Variants in PRDM7 observed in about 807,000 individuals in gnomAD.
PRDM7 encodes histone-lysine N-methyltransferase PRDM7.
Under a neutral mutation model 64.3 loss-of-function variants are expected in PRDM7, and 52 were observed. The observed-to-expected ratio is 0.81, with a 90% CI of 0.65 to 1.02. The LOEUF is 1.02. Among genes scored for constraint, PRDM7 ranks in the 50% least tolerant of loss-of-function variants. PRDM7 has a pLI of 0.00. For missense variants in PRDM7, 574 were observed against 597.1 expected (o/e 0.96, Z 0.40); for synonymous variants, 192 against 210.1 (o/e 0.91, Z 0.74).
At chr16:90,058,783 AG>A (rs2037721525) in intron 10 of PRDM7, among the ~76,000 whole-genome samples, 1 of 152,118 alleles carries the variant, frequency 6.6e-6, no homozygotes, top group Non-Finnish European at 1.5e-5. Context: ...GGTAACCTCA[AG>A]CAGCATCAGG....
chr16:90,060,763 C>G (rs2037762524), intron 9 of PRDM7, 140 bp from the exon 10 acceptor site: 1 of 1,208,110 alleles, frequency 8.3e-7, no homozygotes, highest in South Asian at 1.3e-5. Context: ...CCAGACTTAC[C>G]TCCACCTTGA....
chr16:90,064,007 G>A (rs2037829394), intron 5 of PRDM7, among the ~76,000 whole-genome samples: 1 of 152,228 alleles, frequency 6.6e-6, no homozygotes, highest in South Asian at 2.1e-4. Flanking sequence ...TAAAGGGAAG[G>A]AGGAAGAATA....
At chr16:90,071,353 A>C (rs2037952748) in intron 4 of PRDM7, among the ~76,000 whole-genome samples, 1 of 152,058 alleles carries the variant, frequency 6.6e-6, no homozygotes, top group South Asian at 2.1e-4. Flanking sequence ...CTGGTCTCGA[A>C]CTCCTGACCT....
chr16:90,061,559 A>G (rs2037777987), intron 8 of PRDM7, 40 bp from the exon 9 acceptor site: 2 of 1,545,172 alleles, frequency 1.3e-6, no homozygotes, highest in African/African-American at 2.7e-5. Flanking sequence ...TTTAGAGGGT[A>G]AAAATCCGAA....
Position 90,075,330 on chromosome 16 carries a change from G to C in PRDM7, c.193+21C>G, listed in dbSNP as rs768283552. ...TGTTTTATATCGCCCAGGCTGGTCT[G>C]TGCCCAGCACTTCCTGTTACCTACA... On this transcript the variant is annotated intron_variant, in intron 3 of 10. Coordinates refer to ENST00000449207, the MANE Select transcript of PRDM7 (RefSeq NM_001098173.2). This position sits in a 1 kb window ranked among gnomAD's most constrained non-coding sequence, Gnocchi z 4.3. 6.2e-7 allele frequency: 1 copy of C among 1,614,166 alleles called. No homozygotes were observed. Among genetic ancestry groups the C allele is most frequent in the South Asian group, 1.1e-5 (1 of 91,084 alleles).
rs764904125 is a variant in PRDM7 at position 90,075,381 on chromosome 16, T to C, written c.163A>G (p.Lys55Glu). ...DWEKTRYRNVKMNYNALITVG... is the reference protein window; with the variant it reads ...DWEKTRYRNVEMNYNALITVG... Reference sequence around the variant, plus strand: ...GTAATCAGTGCATTATAGTTCATTTTCACATTCCTATAGCGAGTTTTCTCC... The same window carrying C: ...GTAATCAGTGCATTATAGTTCATTTCCACATTCCTATAGCGAGTTTTCTCC... The change falls in exon 3 of 11, where the codon AAA (lysine) becomes GAA (glutamate). Residue 55 changes from lysine to glutamate, a missense_variant. Physicochemically the swap from Lys to Glu is moderately conservative, Grantham distance 56. Transcript: ENST00000449207. The surrounding 1 kb of genome is among the most constrained non-coding windows in gnomAD (Gnocchi z 4.3). 6.2e-7 allele frequency: 1 copy of C among 1,614,264 alleles called. No homozygotes were observed. Among genetic ancestry groups the C allele is most frequent in the Non-Finnish European group, 8.5e-7 (1 of 1,180,048 alleles).
At chr16:90,069,793 G>C (rs2037930148) in intron 4 of PRDM7, among the ~76,000 whole-genome samples, 1 of 150,942 alleles carries the variant, frequency 6.6e-6, no homozygotes, top group Non-Finnish European at 1.5e-5. Context: ...GTGGCTCATG[G>C]GTGTAATCCC....
In PRDM7 at chr16:90,058,269, C is replaced by T. The variant is rs758382788; in HGVS notation, c.*20G>A. On this transcript the variant is annotated 3_prime_UTR_variant, in exon 11 of 11. Coordinates refer to ENST00000449207, the MANE Select transcript of PRDM7 (RefSeq NM_001098173.2). ...GGCTAGAAAAGGCCCTTGAAATCTC[C>T]CTCTGCCATGTCCTTTTATTCAAGA... 3 of 1,614,140 alleles carry T rather than the reference C, an allele frequency of 1.9e-6. No individual in the cohort carries two copies. The South Asian group carries it at 3.3e-5, about 18-fold the overall frequency.
At chr16:90,076,277 G>A (rs575514112) in intron 1 of PRDM7, among the ~76,000 whole-genome samples, 14 of 152,288 alleles carry the variant, frequency 9.2e-5, no homozygotes, top group African/African-American at 3.1e-4. Context: ...TGTAGCTACC[G>A]GTGTTTGAGG....
chr16:90,065,464 G>A (rs1003933468), intron 5 of PRDM7, among the ~76,000 whole-genome samples: 2 of 150,722 alleles, frequency 1.3e-5, no homozygotes, highest in Non-Finnish European at 2.9e-5. Context: ...ACTGGGTGCG[G>A]TGGCTCACAT....
chr16:90,073,846 G>A (rs1423141490), intron 4 of PRDM7, among the ~76,000 whole-genome samples: 1 of 151,120 alleles, frequency 6.6e-6, no homozygotes, highest in African/African-American at 2.4e-5. Flanking sequence ...GTGGTGGCAC[G>A]ATTTCGGCTC....
intron 4 of PRDM7, among the ~76,000 whole-genome samples, chr16:90,072,652 A>G (rs1430398401): frequency 1.3e-5 from 2 of 152,254 alleles, no homozygotes; most frequent in African/African-American, 4.8e-5. Flanking sequence ...CTAGGGATCT[A>G]TTGCACAACA....
chr16:90,066,935 G>C, intron 4 of PRDM7, 25 bp from the exon 5 acceptor site: 1 of 1,566,842 alleles, frequency 6.4e-7, no homozygotes, highest in Non-Finnish European at 8.8e-7. Flanking sequence ...GAAATCAGTG[G>C]TTTGGTTGGT....
In PRDM7 at chr16:90,075,518, T is replaced by C; in HGVS notation, c.70-44A>G. On this transcript the variant is annotated intron_variant, in intron 2 of 10. Coordinates refer to ENST00000449207, the MANE Select transcript of PRDM7 (RefSeq NM_001098173.2). The surrounding 1 kb of genome is among the most constrained non-coding windows in gnomAD (Gnocchi z 4.3). ...TCCATCAGTGATTTACTAATACACATCGAGCTGGTCCTTTTCCTCTACCCT... is the reference window on the plus strand; with the variant it reads ...TCCATCAGTGATTTACTAATACACACCGAGCTGGTCCTTTTCCTCTACCCT... 2 of 1,614,148 alleles carry C rather than the reference T, an allele frequency of 1.2e-6. No homozygotes were observed. The highest frequency in any genetic ancestry group is 1.1e-5 in the South Asian group (1 of 91,066).
rs1237330081 is a variant in PRDM7 at position 90,062,381 on chromosome 16, TGGCTGAAAGGGTCACTCACAGA to T, written c.608_610+19del. 1 of 1,613,684 alleles carries T rather than the reference TGGCTGAAAGGGTCACTCACAGA, an allele frequency of 6.2e-7. No homozygotes were observed. The highest frequency in any genetic ancestry group is 1.3e-5 in the African/African-American group (1 of 75,032). ...AGGACATAACAGCAAGCTGTGTGAG[TGGCTGAAAGGGTCACTCACAGA>T]GGTAGTCATCATCCTGTGGCTCGCT... On this transcript the variant is annotated splice_donor_variant and splice_donor_5th_base_variant and coding_sequence_variant and intron_variant, in exon 7 of 11. Coordinates refer to ENST00000449207, the MANE Select transcript of PRDM7 (RefSeq NM_001098173.2). LOFTEE classifies it high-confidence loss of function.
At position 90,075,867 on chromosome 16, in the gene PRDM7, G is replaced by A; in HGVS notation, c.44C>T (p.Thr15Ile). 1 of 1,614,070 alleles carries A rather than the reference G, an allele frequency of 6.2e-7. No individual in the cohort carries two copies. The highest frequency in any genetic ancestry group is 8.5e-7 in the Non-Finnish European group (1 of 1,179,986). ...CATGGGCTTCCGCTCTGTTCTCTCT[G>A]TGTCTCCTTCTGGGCTCTCCTCTTG... ...RSQEESPEGD[T>I]ERTERKPMVK... The change falls in exon 2 of 11, where the codon ACA becomes ATA. Residue 15 changes from threonine (T) to isoleucine (I), a missense_variant. Coordinates refer to ENST00000449207, the MANE Select transcript of PRDM7 (RefSeq NM_001098173.2). This position sits in a 1 kb window ranked among gnomAD's most constrained non-coding sequence, Gnocchi z 4.3.
rs537918071 is a variant in PRDM7, at chr16:90,061,974, C to T, written c.829G>A (p.Glu277Lys). The T allele has an allele frequency of 6.6e-5, 106 of 1,614,264 alleles. 2 individuals carry two copies. In the South Asian group the frequency reaches 8.1e-4, roughly 12 times the overall value. The change falls in exon 8 of 11, where the codon GAG becomes AAG. Residue 277 changes from glutamate to lysine, a missense_variant. Transcript: ENST00000449207. ...TCTTCGTCTTCTGTAATTCGGCCCT[C>T]ATAGGGGCCAAAGTGCAGACCCAGT... ...LPLGLHFGPY[E>K]GRITEDEEAA...
rs565592385 is a variant in PRDM7 at position 90,066,967 on chromosome 16, A to AT, written c.302-58dup. 615 of 1,454,700 alleles carry AT rather than the reference A, an allele frequency of 4.2e-4. 2 individuals are homozygous for AT. Among genetic ancestry groups the AT allele is most frequent in the East Asian group, 1.4e-3 (59 of 42,702 alleles). The allele number at this position is 1,454,700 out of a possible 1,614,324, so 90.1% of individuals were successfully genotyped here. A position where few individuals can be genotyped will look rare whatever the true frequency, so the allele number is the denominator to read the frequency against. On this transcript the variant is annotated intron_variant, in intron 4 of 10. Coordinates refer to ENST00000449207, the MANE Select transcript of PRDM7 (RefSeq NM_001098173.2). ...TGGTAAATGTTTCCAAACTCTAGAG[A>AT]TTTTTTTTTCTTTTTGATATGGAGT...
chr16:90,063,089 C>T (rs1289407949), intron 6 of PRDM7, among the ~76,000 whole-genome samples: 4 of 152,184 alleles, frequency 2.6e-5, no homozygotes, highest in Admixed American at 6.5e-5. Context: ...GGCCCCAATG[C>T]TTCTGTGTGG....
Sources: allele counts gnomAD v4.1 joint callset (sites outside exome capture counted in the v4.1 genomes callset), GRCh38; gene constraint gnomAD v4.1.1; non-coding constraint Gnocchi (gnomAD v3.1); transcripts MANE v1.5; gene names NCBI Gene and HGNC (gene_info 2026-07-23, HGNC 2026-07-21).